The following CIMIP2C variants were observed in gnomAD, a reference collection of about 807,000 sequenced individuals.
The protein encoded by CIMIP2C is ciliary microtubule inner protein 2C.
At chr2:26,565,238 G>A in the CIMIP2C span, among the ~76,000 whole-genome samples, 4 of 152,032 alleles carry the variant, frequency 2.6e-5, no homozygotes, top group Non-Finnish European at 4.4e-5. Flanking sequence ...TTACAGGCAC[G>A]CGCCACCACA....
the CIMIP2C span, chr2:26,576,108 A>C: frequency 3.7e-6 from 6 of 1,614,180 alleles, no homozygotes; most frequent in Admixed American, 1.0e-4. Flanking sequence ...CGCTGGCTGC[A>C]CAAGCCCAGC....
At chr2:26,577,609 T>A in the CIMIP2C span, 10 of 1,613,846 alleles carry the variant, frequency 6.2e-6, no homozygotes, top group Non-Finnish European at 6.8e-6. Context: ...GCCGGAACGG[T>A]ACCCCCTCCC....
the CIMIP2C span, chr2:26,578,605 G>A: frequency 3.6e-5 from 13 of 359,568 alleles, no homozygotes; most frequent in South Asian, 2.7e-4. Flanking sequence ...ACCACCTCTA[G>A]GACTCGGGGG....
the CIMIP2C span, among the ~76,000 whole-genome samples, chr2:26,570,277 C>T: frequency 3.9e-5 from 6 of 152,198 alleles, no homozygotes; most frequent in South Asian, 2.1e-4. Context: ...CTCCTTTCTT[C>T]GGAGGAGCCC....
the CIMIP2C span, among the ~76,000 whole-genome samples, chr2:26,563,379 C>T: frequency 6.6e-5 from 10 of 152,176 alleles, no homozygotes; most frequent in African/African-American, 2.2e-4. Flanking sequence ...TTTCAGACTC[C>T]AACCATCTAA....
the CIMIP2C span, chr2:26,575,901 G>A: frequency 2.5e-6 from 4 of 1,611,780 alleles, no homozygotes; most frequent in Non-Finnish European, 3.4e-6. Flanking sequence ...GTGATCGGCA[G>A]GTACCAGGGC....
At chr2:26,571,066 G>A in the CIMIP2C span, among the ~76,000 whole-genome samples, 1 of 152,120 alleles carries the variant, frequency 6.6e-6, no homozygotes, top group Non-Finnish European at 1.5e-5. Context: ...GTGGCGTGGT[G>A]GCCCAGCCTT....
At chr2:26,579,002 G>C in the CIMIP2C span, 1 of 517,016 alleles carries the variant, frequency 1.9e-6, no homozygotes, top group African/African-American at 1.9e-5. Flanking sequence ...AAAGCTAAGA[G>C]GGGGATACCA....
the CIMIP2C span, among the ~76,000 whole-genome samples, chr2:26,572,972 A>T: frequency 1.3e-5 from 2 of 152,226 alleles, no homozygotes; most frequent in Non-Finnish European, 2.9e-5. Context: ...ATTAAGCTTC[A>T]TCTACAGCAC....
At chr2:26,563,981 G>A in the CIMIP2C span, among the ~76,000 whole-genome samples, 10,463 of 152,214 alleles carry the variant, frequency 0.069, 427 homozygotes, top group Middle Eastern at 0.12. Flanking sequence ...GCCAAGCCAG[G>A]TGACTTAGGA....
At chr2:26,571,924 A>G in the CIMIP2C span, among the ~76,000 whole-genome samples, 5 of 131,624 alleles carry the variant, frequency 3.8e-5, no homozygotes, top group African/African-American at 8.5e-5. Flanking sequence ...TTGAATCTTA[A>G]TAGAACTTAA....
chr2:26,576,153 C>T, the CIMIP2C span: 1 of 1,613,916 alleles, frequency 6.2e-7, no homozygotes, highest in South Asian at 1.1e-5. Flanking sequence ...CATCGCTCCA[C>T]AGAGCTTACG....
chr2:26,572,256 G>A, the CIMIP2C span: 5 of 1,126,756 alleles, frequency 4.4e-6, no homozygotes, highest in Non-Finnish European at 6.0e-6. Flanking sequence ...TCTGTAACTA[G>A]CATTCACCTA....
At chr2:26,576,006 G>T in the CIMIP2C span, 4 of 1,614,032 alleles carry the variant, frequency 2.5e-6, no homozygotes, top group African/African-American at 5.3e-5. Context: ...ATGGAGAAGA[G>T]CCACACTCCC....
At chr2:26,578,492 T>C in the CIMIP2C span, 1 of 253,312 alleles carries the variant, frequency 3.9e-6, no homozygotes, top group Non-Finnish European at 7.9e-6. Context: ...AGGATCATTT[T>C]ACAAAAAAGG....
At chr2:26,574,845 G>T in the CIMIP2C span, among the ~76,000 whole-genome samples, 1 of 152,228 alleles carries the variant, frequency 6.6e-6, no homozygotes, top group Admixed American at 6.5e-5. Flanking sequence ...CATGTCCACC[G>T]ACCTGCAGCA....
At chr2:26,574,138 C>T in the CIMIP2C span, among the ~76,000 whole-genome samples, 3 of 152,206 alleles carry the variant, frequency 2.0e-5, no homozygotes, top group African/African-American at 7.2e-5. Flanking sequence ...ATCTAGATGG[C>T]TGCGATGACT....
At chr2:26,577,478 A>G in the CIMIP2C span, 6 of 1,580,530 alleles carry the variant, frequency 3.8e-6, no homozygotes, top group Non-Finnish European at 5.2e-6. Flanking sequence ...AGTCCTGTGC[A>G]CTAACAACCT....
At chr2:26,568,142 C>A in the CIMIP2C span, among the ~76,000 whole-genome samples, 1 of 152,148 alleles carries the variant, frequency 6.6e-6, no homozygotes, top group African/African-American at 2.4e-5. Context: ...CAGATTCAAG[C>A]CCAAAATACA....
Sources: allele counts gnomAD v4.1 joint callset (sites outside exome capture counted in the v4.1 genomes callset), GRCh38; gene constraint gnomAD v4.1.1; transcripts MANE v1.5; gene names NCBI Gene and HGNC (gene_info 2026-07-23, HGNC 2026-07-21).